SORD: variants seen among roughly 807,000 people sequenced by gnomAD.
The protein encoded by SORD is (R,R)-butanediol dehydrogenase.
A neutral mutation model predicts 35.6 loss-of-function variants in SORD; 18 were observed. The observed-to-expected ratio is 0.51, with a 90% CI of 0.35 to 0.75. The LOEUF (loss-of-function observed/expected upper bound fraction) is 0.75, where lower values mean the gene tolerates loss of function less well. SORD is among the 30% of genes least tolerant of loss of function. The pLI is 0.01. For missense variants in SORD, 250 were observed against 390.2 expected (o/e 0.64, Z 3.03); for synonymous variants, 106 against 152.9 (o/e 0.69, Z 2.26).
intron 2 of SORD, chr15:45,041,683 G>A (rs1317546234): frequency 6.6e-6 from 1 of 152,228 alleles, no homozygotes; most frequent in Admixed American, 6.5e-5. Context: ...ACCTCACTGT[G>A]TCCTGAAAAG....
intron 7 of SORD, among the ~76,000 whole-genome samples, chr15:45,069,332 G>A (rs1444345808): frequency 6.7e-6 from 1 of 148,932 alleles, no homozygotes; most frequent in Non-Finnish European, 1.5e-5. Flanking sequence ...TCAGCGTCCC[G>A]AGTAGCTGGG....
At chr15:45,041,992 T>A (rs1180332309) in intron 2 of SORD, among the ~76,000 whole-genome samples, 1 of 152,222 alleles carries the variant, frequency 6.6e-6, no homozygotes, top group African/African-American at 2.4e-5. Flanking sequence ...TACTCTTCAC[T>A]AAAACTAAGG....
intron 3 of SORD, among the ~76,000 whole-genome samples, chr15:45,046,264 A>G (rs1250841235): frequency 1.3e-5 from 2 of 152,130 alleles, no homozygotes; most frequent in African/African-American, 4.8e-5. Context: ...TTTTTTCGAG[A>G]TGAAGTCTCA....
chr15:45,050,091 C>CT (rs1189702579), intron 3 of SORD, among the ~76,000 whole-genome samples: 8 of 151,450 alleles, frequency 5.3e-5, no homozygotes, highest in South Asian at 4.2e-4. Context: ...TAGGACTTTT[C>CT]TTTTTTTTTG....
intron 3 of SORD, among the ~76,000 whole-genome samples, chr15:45,046,686 C>T (rs1893050064): frequency 6.6e-6 from 1 of 152,144 alleles, no homozygotes. Flanking sequence ...AAGACCACAA[C>T]TCATCAAATA....
intron 3 of SORD, among the ~76,000 whole-genome samples, chr15:45,053,193 A>G (rs1261477934): frequency 1.3e-5 from 2 of 152,190 alleles, no homozygotes; most frequent in Admixed American, 6.5e-5. Flanking sequence ...ATCAGTCACA[A>G]CAAGCATACC....
At chr15:45,026,198 A>C (rs1246322141) in intron 1 of SORD, among the ~76,000 whole-genome samples, 2 of 152,182 alleles carry the variant, frequency 1.3e-5, no homozygotes, top group Non-Finnish European at 2.9e-5. Flanking sequence ...CTGCTCCTCC[A>C]TCTTTTCCTT....
chr15:45,068,859 T>A lies in SORD; in HGVS notation c.611-18T>A. The A allele has an allele frequency of 1.4e-6, 2 of 1,403,160 alleles. No homozygotes were observed. The highest frequency in any genetic ancestry group is 5.4e-5 in the East Asian group (2 of 37,146). The allele number at this position is 1,403,160 out of a possible 1,614,324, so 86.9% of individuals were successfully genotyped here. The stretch of plus-strand genomic sequence containing the variant: ...TCTTGTTTGAAAGAATTTTTTTTTT[T>A]TTTTTTTTTACCTTCAGATCTGTCT... On this transcript the variant is annotated intron_variant, in intron 6 of 8. Coordinates refer to ENST00000267814, the MANE Select transcript of SORD (RefSeq NM_003104.6).
chr15:45,068,020 A>G (rs780250118), intron 5 of SORD, among the ~76,000 whole-genome samples, 161 bp from the exon 6 acceptor site: 6 of 152,208 alleles, frequency 3.9e-5, no homozygotes, highest in Non-Finnish European at 8.8e-5. Context: ...GGATTTATTC[A>G]CTTCTGCATT....
intron 7 of SORD, chr15:45,069,798 G>A (rs981610002): frequency 1.3e-5 from 2 of 152,164 alleles, no homozygotes; most frequent in Non-Finnish European, 2.9e-5. Context: ...CATTTAGTTA[G>A]TCATGAAGGT....
chr15:45,065,924 AAAACAAGACCCCATCTCAAAAC>A (rs1324442923), intron 5 of SORD, among the ~76,000 whole-genome samples: 2 of 151,888 alleles, frequency 1.3e-5, no homozygotes, highest in Non-Finnish European at 2.9e-5. Context: ...TGTCTCAAAA[AAAACAAGACCCCATCTCAAAAC>A]AAACAAACAA....
In SORD at chr15:45,072,214, C is replaced by A. The variant is rs1595511048; in HGVS notation, c.787-103C>A. 9 of 287,706 alleles carry A rather than the reference C, an allele frequency of 3.1e-5. 3 individuals carry two copies. The East Asian group carries it at 5.6e-4, about 18-fold the overall frequency. The allele number at this position is 287,706 out of a possible 1,614,324, so 17.8% of individuals were successfully genotyped here. A position where few individuals can be genotyped will look rare whatever the true frequency, so the allele number is the denominator to read the frequency against. ...TTCTCAGGAATTTTTGGATGCTCAG[C>A]TGATGCAACCAGAAGATACTTGTGT... On this transcript the variant is annotated intron_variant, in intron 7 of 8. Coordinates refer to ENST00000267814, the MANE Select transcript of SORD (RefSeq NM_003104.6).
At chr15:45,062,228 C>T (rs1194048032) in intron 4 of SORD, among the ~76,000 whole-genome samples, 1 of 152,232 alleles carries the variant, frequency 6.6e-6, no homozygotes, top group Non-Finnish European at 1.5e-5. Context: ...TTGACTTGGG[C>T]ACAGAGCACA....
At chr15:45,036,188 AACTGTAAC>A (rs1892862784) in intron 1 of SORD, 1 of 355,952 alleles carries the variant, frequency 2.8e-6, no homozygotes, top group Non-Finnish European at 5.4e-6. Context: ...CCCCTTTAGG[AACTGTAAC>A]ACTCAATGCG....
chr15:45,037,412 C>T (rs1182520753), intron 1 of SORD, among the ~76,000 whole-genome samples: 2 of 152,186 alleles, frequency 1.3e-5, no homozygotes. Flanking sequence ...TACCACCTCT[C>T]CACCTCGAAA....
chr15:45,025,495 G>A (rs1404690541), intron 1 of SORD, among the ~76,000 whole-genome samples: 8 of 151,988 alleles, frequency 5.3e-5, no homozygotes, highest in Non-Finnish European at 1.0e-4. Context: ...AATTAGCTGG[G>A]TGTGGTGCCA....
intron 5 of SORD, among the ~76,000 whole-genome samples, chr15:45,065,838 T>C (rs1026840278): frequency 5.9e-5 from 9 of 152,098 alleles, no homozygotes; most frequent in African/African-American, 2.2e-4. Context: ...GAGGATCACT[T>C]GAGCCTGGGA....
At chr15:45,030,659 A>C (rs1892765196) in intron 1 of SORD, among the ~76,000 whole-genome samples, 2 of 152,280 alleles carry the variant, frequency 1.3e-5, no homozygotes. Flanking sequence ...CCATTTAATA[A>C]GATCATGTAT....
intron 3 of SORD, among the ~76,000 whole-genome samples, chr15:45,057,614 C>G (rs1244092304): frequency 6.6e-6 from 1 of 152,134 alleles, no homozygotes. Flanking sequence ...GAAACCCCGT[C>G]TCTACTAAAA....
Sources: gnomAD v4.1 joint callset for allele counts (sites outside exome capture counted in the v4.1 genomes callset) on GRCh38, gnomAD v4.1.1 for gene constraint, MANE v1.5 for transcripts, NCBI Gene and HGNC (gene_info 2026-07-23, HGNC 2026-07-21) for gene names.